Variants in ABHD6 observed in about 807,000 individuals in gnomAD.
The protein encoded by ABHD6 is abhydrolase domain containing 6, acylglycerol lipase, also known as monoacylglycerol lipase ABHD6.
Under a neutral mutation model 38.8 loss-of-function variants are expected in ABHD6, and 33 were observed. That is an observed-to-expected ratio of 0.85 (90% CI 0.64 to 1.14). ABHD6 has a LOEUF of 1.14. ABHD6 is among the 50% of genes most tolerant of loss of function. The pLI, the probability that ABHD6 is intolerant of heterozygous loss-of-function variation, is 0.00. For synonymous variants in ABHD6, 147 were observed against 161.6 expected, an observed-to-expected ratio of 0.91 and a Z score of 0.69; for missense variants, 380 against 422.6, an observed-to-expected ratio of 0.90 and a Z score of 0.88.
rs2097420190 is a variant in ABHD6, at chr3:58,237,929, G to C, written c.-91+13G>C. 6.5e-6 allele frequency: 1 copy of C among 152,864 alleles called. No individual in the cohort carries two copies. The highest frequency in any genetic ancestry group is 2.4e-5 in the African/African-American group (1 of 41,438). 9.5% of individuals were successfully genotyped at this position (152,864 alleles called of 1,614,324 possible). On this transcript the variant is annotated intron_variant, in intron 1 of 9. Coordinates refer to ENST00000478253, the MANE Select transcript of ABHD6 (RefSeq NM_001320126.2). ...TGAGGCTGGTCAGGTGAGCGGAGGC[G>C]GGCGGGCGGGCGGTGGTGCGCTCCT...
At chr3:58,277,870 T>C (rs1258608729) in intron 7 of ABHD6, among the ~76,000 whole-genome samples, 1 of 152,254 alleles carries the variant, frequency 6.6e-6, no homozygotes, top group Non-Finnish European at 1.5e-5. Context: ...GAGATAATCA[T>C]GTGGTGTTTG....
Position 58,285,510 on chromosome 3 carries a change from A to G in ABHD6, c.837+57A>G. 2 of 1,454,374 alleles carry G rather than the reference A, an allele frequency of 1.4e-6. No homozygotes were observed. Among genetic ancestry groups the G allele is most frequent in the Non-Finnish European group, 1.9e-6 (2 of 1,035,296 alleles). 90.1% of individuals were successfully genotyped at this position (1,454,374 alleles called of 1,614,324 possible). ...TGGTCACCAGGGCCTCTGAGGAAAAACGTCCTTGAGGAAGAACAAGTGGTT... is the reference window on the plus strand; with the variant it reads ...TGGTCACCAGGGCCTCTGAGGAAAAGCGTCCTTGAGGAAGAACAAGTGGTT... On this transcript the variant is annotated intron_variant, in intron 9 of 9. Coordinates refer to ENST00000478253, the MANE Select transcript of ABHD6 (RefSeq NM_001320126.2). This position sits in a 1 kb window ranked among gnomAD's most constrained non-coding sequence, Gnocchi z 4.9.
rs1202981792 is a variant in ABHD6, at chr3:58,269,812, A to G, written c.390+378A>G. ...AGCTGGGGAGGGTGTTCTTCACATTATAACGTACTTTAGCATCTATTGCTA... is the reference window on the plus strand; with the variant it reads ...AGCTGGGGAGGGTGTTCTTCACATTGTAACGTACTTTAGCATCTATTGCTA... On this transcript the variant is annotated intron_variant, in intron 5 of 9. Coordinates refer to ENST00000478253, the MANE Select transcript of ABHD6 (RefSeq NM_001320126.2). This position sits in a 1 kb window ranked among gnomAD's most constrained non-coding sequence, Gnocchi z 4.4. 1.3e-5 allele frequency among the ~76,000 whole-genome samples: 2 copies of G among 152,216 alleles called. No homozygotes were observed. Among genetic ancestry groups the G allele is most frequent in the Non-Finnish European group, 2.9e-5 (2 of 68,040 alleles).
chr3:58,277,224 A>G (rs2097449415), intron 7 of ABHD6, among the ~76,000 whole-genome samples: 1 of 152,152 alleles, frequency 6.6e-6, no homozygotes, highest in Non-Finnish European at 1.5e-5. Context: ...CATTTTCATG[A>G]TATTGACTCT....
chr3:58,281,898 T>G (rs962011387), intron 7 of ABHD6, among the ~76,000 whole-genome samples: 2 of 151,980 alleles, frequency 1.3e-5, no homozygotes, highest in East Asian at 3.9e-4. Context: ...GGAGGATTGC[T>G]TGAGACTAGG....
chr3:58,245,810 GAA>G (rs2097425969), intron 1 of ABHD6, among the ~76,000 whole-genome samples: 5 of 103,432 alleles, frequency 4.8e-5, no homozygotes, highest in African/African-American at 2.3e-4. Context: ...GAAGGAGAGA[GAA>G]GAAAGAAAGA....
At position 58,256,727 on chromosome 3, in the gene ABHD6, T is replaced by C; in HGVS notation, c.119+22T>C. 3 of 1,552,266 alleles carry C rather than the reference T, an allele frequency of 1.9e-6. No homozygotes were observed. Among genetic ancestry groups the C allele is most frequent in the Non-Finnish European group, 2.7e-6 (3 of 1,127,526 alleles). On this transcript the variant is annotated intron_variant, in intron 3 of 9. Transcript: ENST00000478253. The surrounding 1 kb of genome is among the most constrained non-coding windows in gnomAD (Gnocchi z 4.3). ...ATTGGTAAGCCAGTTTTATCATTGA[T>C]GTTTTCAAGAGTATCATAATATTGA...
chr3:58,254,302 C>T (rs915370064), intron 2 of ABHD6, among the ~76,000 whole-genome samples: 2 of 152,198 alleles, frequency 1.3e-5, no homozygotes, highest in African/African-American at 4.8e-5. Context: ...TTACAGCCTA[C>T]AGGTCAAATT....
Position 58,267,431 on chromosome 3 carries a change from G to T in ABHD6, c.276+86G>T, listed in dbSNP as rs2097441883. On this transcript the variant is annotated intron_variant, in intron 4 of 9. Transcript: ENST00000478253. The surrounding 1 kb of genome is among the most constrained non-coding windows in gnomAD (Gnocchi z 4.3). The stretch of plus-strand genomic sequence containing the variant: ...TATAATCCCAGCACTTTGGGAGCCT[G>T]AGGCAGGAGGATTGCTTGAGTCCAG... The T allele has an allele frequency of 1.3e-6, 2 of 1,519,784 alleles. No homozygotes were observed. The highest frequency in any genetic ancestry group is 1.8e-6 in the Non-Finnish European group (2 of 1,110,588). The allele number at this position is 1,519,784 out of a possible 1,614,324, so 94.1% of individuals were successfully genotyped here. A position where few individuals can be genotyped will look rare whatever the true frequency, so the allele number is the denominator to read the frequency against.
rs1433028301 is a variant in ABHD6, at chr3:58,293,169, C to G, written c.838-420C>G. Among the ~76,000 whole-genome samples the G allele has an allele frequency of 2.0e-5, 3 of 152,078 alleles. No homozygotes were observed. The highest frequency in any genetic ancestry group is 7.2e-5 in the African/African-American group (3 of 41,406). On this transcript the variant is annotated intron_variant, in intron 9 of 9. Transcript: ENST00000478253. The surrounding 1 kb of genome is among the most constrained non-coding windows in gnomAD (Gnocchi z 4.4). ...GCCGTGCTCCTTGGTGGCCCCTGCACTCGCCATGATCTCCCACCCTGTGCC... is the reference window on the plus strand; with the variant it reads ...GCCGTGCTCCTTGGTGGCCCCTGCAGTCGCCATGATCTCCCACCCTGTGCC...
In ABHD6 at chr3:58,287,437, G is replaced by C; in HGVS notation, c.837+1984G>C. On this transcript the variant is annotated intron_variant, in intron 9 of 9. Coordinates refer to ENST00000478253, the MANE Select transcript of ABHD6 (RefSeq NM_001320126.2). The surrounding 1 kb of genome is among the most constrained non-coding windows in gnomAD (Gnocchi z 4.7). ...GGAGAGAGTGGGGAGGAGCAGCCAG[G>C]CTGTGCCCATGGCGTGTACGCAGAA... 6.6e-6 allele frequency among the ~76,000 whole-genome samples: 1 copy of C among 152,032 alleles called. No homozygotes were observed. The highest frequency in any genetic ancestry group is 1.9e-4 in the East Asian group (1 of 5,154).
At chr3:58,277,429 T>C (rs2097449583) in intron 7 of ABHD6, among the ~76,000 whole-genome samples, 1 of 152,184 alleles carries the variant, frequency 6.6e-6, no homozygotes. Context: ...TATTGTTGTA[T>C]AGGAATGCTT....
rs2097439979 is a variant in ABHD6, at chr3:58,265,039, C to T, written c.120-2150C>T. Among the ~76,000 whole-genome samples, 1 of 152,070 alleles carries T rather than the reference C, an allele frequency of 6.6e-6. No individual in the cohort carries two copies. Among genetic ancestry groups the T allele is most frequent in the Non-Finnish European group, 1.5e-5 (1 of 68,010 alleles). On this transcript the variant is annotated intron_variant, in intron 3 of 9. Coordinates refer to ENST00000478253, the MANE Select transcript of ABHD6 (RefSeq NM_001320126.2). This position sits in a 1 kb window ranked among gnomAD's most constrained non-coding sequence, Gnocchi z 4.2. ...ACCCATTAACCATCCCCACTTCTCC[C>T]CTACCCCCAGCTACTCATCTCAGCC...
chr3:58,289,008 A>C (rs2097459498), intron 9 of ABHD6, among the ~76,000 whole-genome samples: 1 of 152,122 alleles, frequency 6.6e-6, no homozygotes, highest in Non-Finnish European at 1.5e-5. Context: ...GGTGTGAAGC[A>C]ATGCAGGAAA....
chr3:58,275,767 A>T (rs1286345574), intron 7 of ABHD6, among the ~76,000 whole-genome samples: 2 of 152,012 alleles, frequency 1.3e-5, no homozygotes, highest in Admixed American at 1.3e-4. Context: ...CACGTTAGGT[A>T]TTTCTCCTAA....
chr3:58,244,813 G>C lies in ABHD6; in HGVS notation c.-90-5065G>C, dbSNP rs142101473. Among the ~76,000 whole-genome samples, 137 of 152,100 alleles carry C rather than the reference G, an allele frequency of 9.0e-4. 2 individuals carry two copies. The highest frequency in any genetic ancestry group is 7.9e-3 in the East Asian group (41 of 5,192). On this transcript the variant is annotated intron_variant, in intron 1 of 9. Coordinates refer to ENST00000478253, the MANE Select transcript of ABHD6 (RefSeq NM_001320126.2). ...GTAATTGTAACCTAAATTTTGCTTG[G>C]TATTTACTATTGCTTTTAAAATAGA...
chr3:58,266,466 A>AC lies in ABHD6; in HGVS notation c.120-723_120-722insC, dbSNP rs1177581659. 1.5e-4 allele frequency among the ~76,000 whole-genome samples: 23 copies of AC among 150,440 alleles called. No homozygotes were observed. The highest frequency in any genetic ancestry group is 5.1e-4 in the African/African-American group (21 of 41,210). On this transcript the variant is annotated intron_variant, in intron 3 of 9. Transcript: ENST00000478253. The surrounding 1 kb of genome is among the most constrained non-coding windows in gnomAD (Gnocchi z 4.0). The stretch of plus-strand genomic sequence containing the variant: ...AAAAAACCTGACCAAACAAACAACA[A>AC]AAAAAAAAACCTTATGTATGCTCTC...
intron 7 of ABHD6, among the ~76,000 whole-genome samples, chr3:58,277,094 C>T (rs2097449289): frequency 6.6e-6 from 1 of 152,152 alleles, no homozygotes; most frequent in Admixed American, 6.6e-5. Flanking sequence ...CTTGGCAATG[C>T]AGGCTCTTTT....
Position 58,267,176 on chromosome 3 carries a change from T to C in ABHD6, c.120-13T>C, listed in dbSNP as rs1421822397. 6.2e-7 allele frequency: 1 copy of C among 1,613,138 alleles called. No homozygotes were observed. Among genetic ancestry groups the C allele is most frequent in the Non-Finnish European group, 8.5e-7 (1 of 1,179,512 alleles). ...ACTGATTTCGTTTTGTCTTTATTTCTCACCCCTTCCAGGTACTGGCGGAGG... is the reference window on the plus strand; with the variant it reads ...ACTGATTTCGTTTTGTCTTTATTTCCCACCCCTTCCAGGTACTGGCGGAGG... On this transcript the variant is annotated splice_polypyrimidine_tract_variant and intron_variant, in intron 3 of 9. Transcript: ENST00000478253. This position sits in a 1 kb window ranked among gnomAD's most constrained non-coding sequence, Gnocchi z 4.3.
Sources: gnomAD v4.1 joint callset for allele counts (sites outside exome capture counted in the v4.1 genomes callset) on GRCh38, gnomAD v4.1.1 for gene constraint, Gnocchi (gnomAD v3.1) non-coding constraint, MANE v1.5 for transcripts, NCBI Gene and HGNC (gene_info 2026-07-23, HGNC 2026-07-21) for gene names.